The following CACNA1H variants were observed in gnomAD, a reference collection of about 807,000 sequenced individuals.
CACNA1H encodes the protein calcium voltage-gated channel subunit alpha1 H.
A neutral mutation model predicts 192.5 loss-of-function variants in CACNA1H; 149 were observed. That is an observed-to-expected ratio of 0.77 (90% CI 0.68 to 0.89). The LOEUF is 0.89. Among genes scored for constraint, CACNA1H ranks in the 40% least tolerant of loss-of-function variants. The pLI is 0.00. For synonymous variants in CACNA1H, 2,202 were observed against 1,475.2 expected, an observed-to-expected ratio of 1.49 and a Z score of -11.29; for missense variants, 4,257 against 3,423.5, an observed-to-expected ratio of 1.24 and a Z score of -6.08.
At chr16:1,188,301 G>T (rs1966264758) in intron 2 of CACNA1H, among the ~76,000 whole-genome samples, 1 of 152,154 alleles carries the variant, frequency 6.6e-6, no homozygotes, top group Admixed American at 6.5e-5. Flanking sequence ...GGCCACGCTG[G>T]TCCCACAGCA....
At chr16:1,155,353 G>T (rs1298102191) in intron 2 of CACNA1H, among the ~76,000 whole-genome samples, 1 of 152,218 alleles carries the variant, frequency 6.6e-6, no homozygotes, top group Non-Finnish European at 1.5e-5. Flanking sequence ...GGGAGCCGAG[G>T]TGCAGGCCCG....
chr16:1,165,246 T>C (rs1197512280), intron 2 of CACNA1H, among the ~76,000 whole-genome samples: 2 of 152,104 alleles, frequency 1.3e-5, no homozygotes, highest in Non-Finnish European at 2.9e-5. Flanking sequence ...AGGAACATTC[T>C]AGAAGCCAGA....
At chr16:1,170,254 T>C (rs1964228977) in intron 2 of CACNA1H, among the ~76,000 whole-genome samples, 1 of 152,190 alleles carries the variant, frequency 6.6e-6, no homozygotes, top group Admixed American at 6.5e-5. Context: ...CAGAGCCTTC[T>C]TTGTGAGGGG....
chr16:1,212,545 G>C lies in CACNA1H; in HGVS notation c.4777+17G>C. ...CCAGCCCAGGTACCGGCCCTGTCCCGCATGCCTCAGGCCCCGCTTCTGCGG... is the reference window on the plus strand; with the variant it reads ...CCAGCCCAGGTACCGGCCCTGTCCCCCATGCCTCAGGCCCCGCTTCTGCGG... On this transcript the variant is annotated intron_variant, in intron 26 of 34. Transcript: ENST00000348261. 6.2e-7 allele frequency: 1 copy of C among 1,608,490 alleles called. No individual in the cohort carries two copies. The highest frequency in any genetic ancestry group is 8.5e-7 in the Non-Finnish European group (1 of 1,178,114).
At chr16:1,218,928 G>A (rs926056171) in intron 33 of CACNA1H, 42 bp from the exon 34 acceptor site, 1 of 1,544,898 alleles carries the variant, frequency 6.5e-7, no homozygotes, top group Non-Finnish European at 8.7e-7. Context: ...TGGGCAGGAA[G>A]GCAGGGGCAG....
Position 1,204,078 on chromosome 16 carries a change from G to C in CACNA1H, c.2071G>C (p.Gly691Arg), listed in dbSNP as rs377664706. 1 of 1,606,398 alleles carries C rather than the reference G, an allele frequency of 6.2e-7. No individual in the cohort carries two copies. Among genetic ancestry groups the C allele is most frequent in the Admixed American group, 1.7e-5 (1 of 59,408 alleles). The change falls in exon 10 of 35, where the codon GGC (glycine) becomes CGC (arginine). Residue 691 changes from glycine (G) to arginine (R), a missense_variant. By Grantham distance (125) the Gly-to-Arg change is moderately radical. Coordinates refer to ENST00000348261, the MANE Select transcript of CACNA1H (RefSeq NM_021098.3). ...VPCPLPSPPA[G>R]TLTCELKSCP... ...CTGCCCCCTGCCCAGCCCCCCAGCG[G>C]GCACACTGACCTGTGAGCTGAAGAG... is the stretch of plus-strand genomic sequence containing the variant.
intron 5 of CACNA1H, among the ~76,000 whole-genome samples, chr16:1,196,516 C>G (rs934958307): frequency 1.3e-5 from 2 of 152,226 alleles, no homozygotes; most frequent in Non-Finnish European, 2.9e-5. Context: ...TCTCCCCACC[C>G]GCCACTGCTT....
Position 1,189,530 on chromosome 16 carries a change from C to G in CACNA1H, c.300-5442C>G, listed in dbSNP as rs1409037084. On this transcript the variant is annotated intron_variant, in intron 2 of 34. Coordinates refer to ENST00000348261, the MANE Select transcript of CACNA1H (RefSeq NM_021098.3). ...CTCCTGGGGTCAAGCGATCCTCCCA[C>G]TTCAGCCTCCCCGAGTAGCTGCCAC... Among the ~76,000 whole-genome samples, 19 of 149,664 alleles carry G rather than the reference C, an allele frequency of 1.3e-4. 1 individual carries two copies. The highest frequency in any genetic ancestry group is 4.2e-4 in the African/African-American group (17 of 40,924).
chr16:1,198,441 C>T (rs567845603), intron 5 of CACNA1H, among the ~76,000 whole-genome samples, 174 bp from the exon 6 acceptor site: 2 of 152,144 alleles, frequency 1.3e-5, no homozygotes, highest in South Asian at 2.1e-4. Flanking sequence ...AGGGGAGTCC[C>T]GATCACACTA....
At chr16:1,214,035 C>T (rs1364338116) in intron 27 of CACNA1H, 104 bp downstream of exon 27, 1 of 1,000,470 alleles carries the variant, frequency 1.0e-6, no homozygotes, top group Non-Finnish European at 1.5e-6. Flanking sequence ...TGAGCCCTCG[C>T]TGGGGTTTGC....
chr16:1,215,409 C>A, intron 29 of CACNA1H, 34 bp downstream of exon 29: 3 of 710,878 alleles, frequency 4.2e-6, no homozygotes, highest in Non-Finnish European at 6.9e-6. Context: ...GTTCTCTCTG[C>A]GGGTGGAGGG....
At chr16:1,169,620 C>A (rs1261061121) in intron 2 of CACNA1H, among the ~76,000 whole-genome samples, 1 of 152,240 alleles carries the variant, frequency 6.6e-6, no homozygotes, top group South Asian at 2.1e-4. Flanking sequence ...AGCCGGCTCC[C>A]GGGCTCCCGG....
intron 2 of CACNA1H, among the ~76,000 whole-genome samples, chr16:1,178,417 C>T (rs1025350899): frequency 6.6e-6 from 1 of 151,282 alleles, no homozygotes; most frequent in African/African-American, 2.4e-5. Context: ...TCCTAACCCA[C>T]CCCCCCAAGT....
intron 2 of CACNA1H, among the ~76,000 whole-genome samples, chr16:1,191,917 G>A (rs567568137): frequency 6.6e-6 from 1 of 152,354 alleles, no homozygotes; most frequent in South Asian, 2.1e-4. Flanking sequence ...GCACACTCGG[G>A]GTCTCTGCGA....
intron 2 of CACNA1H, among the ~76,000 whole-genome samples, chr16:1,189,397 CTTTTTTTTTTTTTT>C (rs3990780): frequency 1.6e-4 from 7 of 45,034 alleles, no homozygotes; most frequent in Admixed American, 9.2e-4. Flanking sequence ...GAAGAGTGTC[CTTTTTTTTTTTTTT>C]TTTTTTTTTT....
rs868696475 is a variant in CACNA1H at position 1,206,162 on chromosome 16, C to A, written c.2662C>A (p.Leu888Met). Residue 888 changes from leucine to methionine, a missense_variant, in exon 12 of 35, where the codon CTG becomes ATG. Physicochemically the swap from Leu to Met is conservative, Grantham distance 15 (BLOSUM62 2). Coordinates refer to ENST00000348261, the MANE Select transcript of CACNA1H (RefSeq NM_021098.3). ...GGLSVLRTFRLLRVLKLVRFL... is the reference protein window; with the variant it reads ...GGLSVLRTFRMLRVLKLVRFL... The stretch of plus-strand genomic sequence containing the variant: ...CTTGTCTGTGCTGCGCACCTTCCGG[C>A]TGCTGCGTGTGCTGAAGCTGGTGCG... 1.0e-5 allele frequency: 16 copies of A among 1,585,858 alleles called. No homozygotes were observed. The highest frequency in any genetic ancestry group is 1.3e-5 in the African/African-American group (1 of 74,346).
chr16:1,212,617 C>T (rs1969592670), intron 26 of CACNA1H, 89 bp downstream of exon 26: 14 of 1,483,750 alleles, frequency 9.4e-6, no homozygotes, highest in East Asian at 7.4e-5. Flanking sequence ...TGGGGTCCTC[C>T]GCAGGGTGGG....
chr16:1,207,515 C>T (rs1596443786), intron 14 of CACNA1H, 85 bp downstream of exon 14: 13 of 1,415,400 alleles, frequency 9.2e-6, no homozygotes, highest in East Asian at 2.4e-5. Flanking sequence ...GTGTGGGGGG[C>T]CTGCCAAGAG....
chr16:1,216,949 T>G lies in CACNA1H; in HGVS notation c.5262T>G (p.Leu1754=). ...TTGTGTAGGTGGGGAACCTGGGCCTTCTTTTCATGCTCCTGTTTTTTATCT... is the reference window on the plus strand; with the variant it reads ...TTGTGTAGGTGGGGAACCTGGGCCTGCTTTTCATGCTCCTGTTTTTTATCT... ...QALPQVGNLG[L]LFMLLFFIYA... is the part of the protein sequence containing the mutation. Residue 1754 remains leucine (L), a synonymous_variant, in exon 31 of 35, where the codon CTT becomes CTG. Coordinates refer to ENST00000348261, the MANE Select transcript of CACNA1H (RefSeq NM_021098.3). 1 of 1,604,650 alleles carries G rather than the reference T, an allele frequency of 6.2e-7. No individual in the cohort carries two copies.
Sources: allele counts gnomAD v4.1 joint callset (sites outside exome capture counted in the v4.1 genomes callset), GRCh38; gene constraint gnomAD v4.1.1; transcripts MANE v1.5; gene names NCBI Gene and HGNC (gene_info 2026-07-23, HGNC 2026-07-21).